The following KCNQ1 variants were observed in gnomAD, a reference collection of about 807,000 sequenced individuals.
KCNQ1 encodes potassium voltage-gated channel subfamily KQT member 1.
In KCNQ1, 49 loss-of-function variants were observed where a neutral mutation model predicts 72.4. The ratio of observed to expected loss-of-function variants is 0.68; its 90% CI spans 0.54 to 0.86. The LOEUF (loss-of-function observed/expected upper bound fraction) is 0.86. Among genes scored for constraint, KCNQ1 ranks in the 40% least tolerant of loss-of-function variants. KCNQ1 has a pLI of 0.00. For missense variants in KCNQ1, 790 were observed against 945.1 expected (o/e 0.84, Z 2.15); for synonymous variants, 450 against 412.6 (o/e 1.09, Z -1.10).
rs973832265 is a variant in KCNQ1, at chr11:2,809,894, C to T, written c.1794+31857C>T. On this transcript the variant is annotated intron_variant, in intron 15 of 15. Coordinates refer to ENST00000155840, the MANE Select transcript of KCNQ1 (RefSeq NM_000218.3). This position sits in a 1 kb window ranked among gnomAD's most constrained non-coding sequence, Gnocchi z 7.1. Reference sequence around the variant, plus strand: ...CATCCTAGATTGGGTTTACTGTTCCCTGGTACTCAGACCTGCTTAATGCTC... The same window carrying T: ...CATCCTAGATTGGGTTTACTGTTCCTTGGTACTCAGACCTGCTTAATGCTC... Among the ~76,000 whole-genome samples the T allele has an allele frequency of 6.6e-6, 1 of 152,082 alleles. No homozygotes were observed. Among genetic ancestry groups the T allele is most frequent in the Non-Finnish European group, 1.5e-5 (1 of 68,032 alleles).
At chr11:2,511,116 G>A (rs568301141) in intron 1 of KCNQ1, among the ~76,000 whole-genome samples, 23 of 152,280 alleles carry the variant, frequency 1.5e-4, no homozygotes, top group South Asian at 4.1e-4. Context: ...GGAGCCCAGC[G>A]TGGTGCCAGG....
Position 2,601,085 on chromosome 11 carries a change from T to TAAAAAAA in KCNQ1, c.1393+12240_1393+12246dup, listed in dbSNP as rs774725539. ...GCCATGCATATACCCTGCTACTTGT[T>TAAAAAAA]AAAAAAAAAAAAAAAGTCTCTCCAG... On this transcript the variant is annotated intron_variant, in intron 10 of 15. Coordinates refer to ENST00000155840, the MANE Select transcript of KCNQ1 (RefSeq NM_000218.3). This position sits in a 1 kb window ranked among gnomAD's most constrained non-coding sequence, Gnocchi z 5.2. Among the ~76,000 whole-genome samples the TAAAAAAA allele has an allele frequency of 2.7e-4, 38 of 139,108 alleles. No individual in the cohort carries two copies. The highest frequency in any genetic ancestry group is 8.3e-4 in the African/African-American group (32 of 38,558). The allele number at this position is 139,108 out of a possible 152,430, so 91.3% of individuals were successfully genotyped here. A position where few individuals can be genotyped will look rare whatever the true frequency, so the allele number is the denominator to read the frequency against.
intron 11 of KCNQ1, chr11:2,675,035 G>A (rs1028512124): frequency 9.8e-5 from 39 of 398,550 alleles, no homozygotes; most frequent in Non-Finnish European, 3.1e-5. Flanking sequence ...CAGAGCCCAG[G>A]TGGGGGACGG....
intron 1 of KCNQ1, among the ~76,000 whole-genome samples, chr11:2,455,508 C>G (rs1846179114): frequency 6.6e-6 from 1 of 151,874 alleles, no homozygotes; most frequent in Admixed American, 6.6e-5. Flanking sequence ...ATACATCTAA[C>G]CAAGGAGGTG....
At chr11:2,798,956 T>C (rs538099750) in intron 15 of KCNQ1, among the ~76,000 whole-genome samples, 24 of 152,024 alleles carry the variant, frequency 1.6e-4, no homozygotes, top group African/African-American at 5.6e-4. Context: ...GAGCAGAGGG[T>C]ACCCGCGTGA....
intron 12 of KCNQ1, among the ~76,000 whole-genome samples, chr11:2,771,892 C>T (rs924082451): frequency 3.9e-5 from 6 of 152,164 alleles, no homozygotes; most frequent in Non-Finnish European, 4.4e-5. Flanking sequence ...AGGACACAGG[C>T]CGGGACCCTG....
intron 10 of KCNQ1, chr11:2,633,173 G>A (rs900503893): frequency 2.5e-6 from 1 of 398,466 alleles, no homozygotes; most frequent in Non-Finnish European, 4.4e-6. Flanking sequence ...GAGATGTTGA[G>A]CATTTTTTCA....
intron 10 of KCNQ1, chr11:2,622,021 C>T (rs1473248025): frequency 2.5e-6 from 1 of 398,060 alleles, no homozygotes; most frequent in Non-Finnish European, 4.4e-6. Flanking sequence ...TGTAAACTTC[C>T]CTCTTAGAAC....
At chr11:2,672,390 C>T in intron 11 of KCNQ1, 1 of 346,832 alleles carries the variant, frequency 2.9e-6, no homozygotes, top group Admixed American at 5.3e-5. Flanking sequence ...TGAGCTCAGG[C>T]TGGTATGGGT....
At position 2,657,930 on chromosome 11, in the gene KCNQ1, C is replaced by T. The variant is rs1564847573; in HGVS notation, c.1394-4031C>T. On this transcript the variant is annotated intron_variant, in intron 10 of 15. Transcript: ENST00000155840. The surrounding 1 kb of genome is among the most constrained non-coding windows in gnomAD (Gnocchi z 4.8). ...GGAACATGACATCAACATGGTTTAT[C>T]ACTGGTAATATTAACCTTGAGCCAC... 1 of 398,582 alleles carries T rather than the reference C, an allele frequency of 2.5e-6. No homozygotes were observed. Among genetic ancestry groups the T allele is most frequent in the East Asian group, 3.6e-5 (1 of 28,082 alleles). 24.7% of individuals were successfully genotyped at this position (398,582 alleles called of 1,614,324 possible). A position where few individuals can be genotyped will look rare whatever the true frequency, so the allele number is the denominator to read the frequency against.
chr11:2,631,455 T>C (rs1254839245), intron 10 of KCNQ1: 1 of 398,490 alleles, frequency 2.5e-6, no homozygotes, highest in South Asian at 1.3e-4. Context: ...TATTTCTTTA[T>C]TGAATGTCTC....
At chr11:2,754,016 TTCTC>T (rs1177123410) in intron 11 of KCNQ1, among the ~76,000 whole-genome samples, 1 of 152,172 alleles carries the variant, frequency 6.6e-6, no homozygotes, top group African/African-American at 2.4e-5. Flanking sequence ...GAGCAGACAT[TTCTC>T]CAAAGAGCAG....
rs231846 is a variant in KCNQ1, at chr11:2,715,371, C to A, written c.1514+53290C>A. 0.075 allele frequency among the ~76,000 whole-genome samples: 11,337 copies of A among 151,898 alleles called. 521 individuals carry two copies. Among genetic ancestry groups the A allele is most frequent in the Non-Finnish European group, 0.1 (6,861 of 67,916 alleles). ...GAGCCAGGAAGGTGGACAGAGCAGG[C>A]AGGAGTGGGGCAGGAGGGGGCTTTG... On this transcript the variant is annotated intron_variant, in intron 11 of 15. Transcript: ENST00000155840. The surrounding 1 kb of genome is among the most constrained non-coding windows in gnomAD (Gnocchi z 4.9).
In KCNQ1 at chr11:2,601,561, A is replaced by G. The variant is rs1440955806; in HGVS notation, c.1393+12707A>G. ...GGGTTCCCATTATTTGTCCTTTTAC[A>G]CGGACTTTCTCCCATCCCATCCCTC... is the stretch of plus-strand genomic sequence containing the variant. On this transcript the variant is annotated intron_variant, in intron 10 of 15. Coordinates refer to ENST00000155840, the MANE Select transcript of KCNQ1 (RefSeq NM_000218.3). This position sits in a 1 kb window ranked among gnomAD's most constrained non-coding sequence, Gnocchi z 5.2. Among the ~76,000 whole-genome samples the G allele has an allele frequency of 2.0e-5, 3 of 152,156 alleles. No homozygotes were observed. Among genetic ancestry groups the G allele is most frequent in the South Asian group, 2.1e-4 (1 of 4,828 alleles).
chr11:2,656,543 C>CA (rs1271533003), intron 10 of KCNQ1: 12 of 398,542 alleles, frequency 3.0e-5, no homozygotes, highest in African/African-American at 2.1e-4. Flanking sequence ...TCAGGCGCAA[C>CA]ACCTTTCCAC....
Position 2,586,073 on chromosome 11 carries a change from G to A in KCNQ1, c.1128+766G>A, listed in dbSNP as rs144873142. 1.3e-4 allele frequency among the ~76,000 whole-genome samples: 20 copies of A among 152,338 alleles called. No individual in the cohort carries two copies. In the East Asian group the frequency reaches 3.3e-3, roughly 25 times the overall value. On this transcript the variant is annotated intron_variant, in intron 8 of 15. Coordinates refer to ENST00000155840, the MANE Select transcript of KCNQ1 (RefSeq NM_000218.3). ...GGCTGCCCTGAGGAACAGCCGCTGA[G>A]GTGCCCAGAGGGTGGGCGTTGCCGG...
intron 5 of KCNQ1, 112 bp downstream of exon 5, chr11:2,572,221 G>A (rs1246573116): frequency 9.1e-6 from 7 of 769,312 alleles, no homozygotes; most frequent in South Asian, 3.2e-5. Flanking sequence ...GGGCCGGTGG[G>A]TGCCTGGGCG....
chr11:2,825,400 G>T (rs1045799981), intron 15 of KCNQ1, among the ~76,000 whole-genome samples: 7 of 152,202 alleles, frequency 4.6e-5, no homozygotes, highest in African/African-American at 1.7e-4. Flanking sequence ...GTGGGAAGGT[G>T]CCAGGGGCCC....
chr11:2,819,657 T>C (rs942608998), intron 15 of KCNQ1, among the ~76,000 whole-genome samples: 10 of 152,338 alleles, frequency 6.6e-5, no homozygotes, highest in South Asian at 2.1e-4. Flanking sequence ...TCAGATAAGT[T>C]GAGCAACCTC....
Sources: allele counts gnomAD v4.1 joint callset (sites outside exome capture counted in the v4.1 genomes callset), GRCh38; gene constraint gnomAD v4.1.1; non-coding constraint Gnocchi (gnomAD v3.1); transcripts MANE v1.5; gene names NCBI Gene and HGNC (gene_info 2026-07-23, HGNC 2026-07-21).